MARCHF4: variants seen among roughly 807,000 people sequenced by gnomAD.
The protein encoded by MARCHF4 is membrane associated ring-CH-type finger 4, also known as E3 ubiquitin-protein ligase MARCHF4.
MARCHF4 carries 14 observed loss-of-function variants against 43.9 expected under a neutral mutation model. The ratio of observed to expected loss-of-function variants is 0.32; its 90% CI spans 0.21 to 0.50. The LOEUF is 0.50. MARCHF4 is among the 20% of genes least tolerant of loss of function. The pLI is 0.98. For missense variants in MARCHF4, 468 were observed against 536.7 expected (o/e 0.87, Z 1.27); for synonymous variants, 226 against 213.3 (o/e 1.06, Z -0.52).
intron 1 of MARCHF4, among the ~76,000 whole-genome samples, chr2:216,338,985 C>A (rs1692197824): frequency 6.6e-6 from 1 of 152,176 alleles, no homozygotes; most frequent in African/African-American, 2.4e-5. Context: ...AAGAGTGAGA[C>A]CCAGGCTGTT....
At chr2:216,293,343 T>C (rs927837253) in intron 1 of MARCHF4, among the ~76,000 whole-genome samples, 1 of 152,108 alleles carries the variant, frequency 6.6e-6, no homozygotes, top group Non-Finnish European at 1.5e-5. Flanking sequence ...TAAGGCATTG[T>C]TGCAAGATAA....
chr2:216,343,764 A>G (rs564243360), intron 1 of MARCHF4, among the ~76,000 whole-genome samples: 1 of 152,370 alleles, frequency 6.6e-6, no homozygotes, highest in Admixed American at 6.5e-5. Flanking sequence ...GAAATGTCCA[A>G]CAACATTCCT....
rs1326969031 is a variant in MARCHF4, at chr2:216,277,556, C to G, written c.865+116G>C. 4 of 1,125,478 alleles carry G rather than the reference C, an allele frequency of 3.6e-6. No individual in the cohort carries two copies. The Admixed American group carries it at 9.4e-5, about 26-fold the overall frequency. The allele number at this position is 1,125,478 out of a possible 1,614,324, so 69.7% of individuals were successfully genotyped here. A position where few individuals can be genotyped will look rare whatever the true frequency, so the allele number is the denominator to read the frequency against. On this transcript the variant is annotated intron_variant, in intron 3 of 3. Transcript: ENST00000273067. ...TCTGGCCTCTCCTGAGCTCCCAGTTCTCAAGCCTGGGGCCATATCTGCTTC... is the reference window on the plus strand; with the variant it reads ...TCTGGCCTCTCCTGAGCTCCCAGTTGTCAAGCCTGGGGCCATATCTGCTTC...
At chr2:216,342,385 A>T (rs190217170) in intron 1 of MARCHF4, among the ~76,000 whole-genome samples, 1 of 152,318 alleles carries the variant, frequency 6.6e-6, no homozygotes, top group Admixed American at 6.5e-5. Flanking sequence ...CAGCTGGTTG[A>T]ACCCAAATCT....
At chr2:216,278,410 A>G (rs986299290) in intron 2 of MARCHF4, among the ~76,000 whole-genome samples, 21 of 152,112 alleles carry the variant, frequency 1.4e-4, no homozygotes, top group African/African-American at 5.1e-4. Context: ...ATTTTTTAGT[A>G]GAGACAGGGT....
chr2:216,362,590 G>A (rs1240088788), intron 1 of MARCHF4, among the ~76,000 whole-genome samples: 1 of 152,144 alleles, frequency 6.6e-6, no homozygotes, highest in South Asian at 2.1e-4. Flanking sequence ...AATTCGCTGG[G>A]TTCAGGACTG....
At chr2:216,361,105 C>T (rs1692570170) in intron 1 of MARCHF4, among the ~76,000 whole-genome samples, 2 of 152,090 alleles carry the variant, frequency 1.3e-5, no homozygotes, top group Non-Finnish European at 2.9e-5. Flanking sequence ...AGAATAGACA[C>T]ATACAAATAT....
chr2:216,271,547 T>C (rs1690938370), intron 3 of MARCHF4, among the ~76,000 whole-genome samples: 2 of 152,212 alleles, frequency 1.3e-5, no homozygotes, highest in South Asian at 2.1e-4. Context: ...TTTTTGTGAA[T>C]GTTCTCTAGT....
chr2:216,342,073 G>A (rs566140469), intron 1 of MARCHF4, among the ~76,000 whole-genome samples: 1 of 152,294 alleles, frequency 6.6e-6, no homozygotes, highest in Admixed American at 6.5e-5. Context: ...CATTTTTCAA[G>A]AGGAGTCCGA....
intron 1 of MARCHF4, among the ~76,000 whole-genome samples, chr2:216,338,646 C>A (rs1010319373): frequency 2.0e-5 from 3 of 152,118 alleles, no homozygotes; most frequent in Non-Finnish European, 4.4e-5. Context: ...AGCTCCACTG[C>A]CACCTCTATA....
intron 1 of MARCHF4, among the ~76,000 whole-genome samples, chr2:216,305,034 T>C (rs922161461): frequency 2.0e-5 from 3 of 152,076 alleles, no homozygotes; most frequent in Admixed American, 6.5e-5. Context: ...CTATTCCTAA[T>C]CATTCACTAG....
At chr2:216,343,016 G>A (rs1361353954) in intron 1 of MARCHF4, among the ~76,000 whole-genome samples, 7 of 152,160 alleles carry the variant, frequency 4.6e-5, no homozygotes. Context: ...CATGTCTGTA[G>A]GAAGAATGGT....
At chr2:216,353,850 C>T (rs1348051609) in intron 1 of MARCHF4, among the ~76,000 whole-genome samples, 1 of 152,166 alleles carries the variant, frequency 6.6e-6, no homozygotes. Context: ...GCCTGGCCTC[C>T]AGTTTCTCAC....
At chr2:216,319,110 C>T (rs1691836269) in intron 1 of MARCHF4, among the ~76,000 whole-genome samples, 2 of 152,082 alleles carry the variant, frequency 1.3e-5, no homozygotes, top group Admixed American at 1.3e-4. Flanking sequence ...GAGTTCAAAA[C>T]CAGCCTGGCC....
chr2:216,287,702 T>C (rs1410594210), intron 1 of MARCHF4, among the ~76,000 whole-genome samples: 2 of 150,776 alleles, frequency 1.3e-5, no homozygotes, highest in Non-Finnish European at 3.0e-5. Flanking sequence ...GACGAGTTAA[T>C]GGGTGCAGTA....
intron 1 of MARCHF4, among the ~76,000 whole-genome samples, chr2:216,324,421 T>A (rs1422624761): frequency 1.3e-5 from 2 of 151,708 alleles, no homozygotes; most frequent in East Asian, 3.9e-4. Flanking sequence ...TCTGAAACTA[T>A]TCCAATCAAT....
intron 1 of MARCHF4, among the ~76,000 whole-genome samples, chr2:216,299,332 G>A (rs1691450253): frequency 6.6e-6 from 1 of 152,152 alleles, no homozygotes; most frequent in African/African-American, 2.4e-5. Context: ...CAGATGACAG[G>A]AATGACGTGG....
At chr2:216,338,346 G>A (rs1692188358) in intron 1 of MARCHF4, among the ~76,000 whole-genome samples, 2 of 152,204 alleles carry the variant, frequency 1.3e-5, no homozygotes, top group Non-Finnish European at 1.5e-5. Context: ...AACTGGTTCA[G>A]CCAAGTGGGA....
intron 3 of MARCHF4, chr2:216,266,187 T>C (rs1361429865): frequency 6.6e-6 from 1 of 152,150 alleles, no homozygotes; most frequent in African/African-American, 2.4e-5. Flanking sequence ...TTTCAGAGTG[T>C]TTGCCACTTA....
Sources: allele counts gnomAD v4.1 joint callset (sites outside exome capture counted in the v4.1 genomes callset), GRCh38; gene constraint gnomAD v4.1.1; transcripts MANE v1.5; gene names NCBI Gene and HGNC (gene_info 2026-07-23, HGNC 2026-07-21).